ACYP2: variants seen among roughly 807,000 people sequenced by gnomAD.
The protein encoded by ACYP2 is acylphosphatase 2.
A neutral mutation model predicts 11.2 loss-of-function variants in ACYP2; 12 were observed. The ratio of observed to expected loss-of-function variants is 1.08; its 90% CI spans 0.69 to 1.74. The LOEUF (loss-of-function observed/expected upper bound fraction) is 1.74. Ranked by LOEUF, ACYP2 falls within the 40% of genes most tolerant of loss-of-function variation. The pLI is 0.00. For synonymous variants in ACYP2, 43 were observed against 32.2 expected (o/e 1.33, Z -1.13); for missense variants, 134 against 101.9 (o/e 1.31, Z -1.35).
chr2:54,047,638 G>C (rs939040293), intron 2 of ACYP2, among the ~76,000 whole-genome samples: 2 of 152,136 alleles, frequency 1.3e-5, no homozygotes, highest in African/African-American at 4.8e-5. Context: ...CCAAATGGAA[G>C]CATATTTTTC....
chr2:53,987,106 T>C (rs541811319), intron 2 of ACYP2, among the ~76,000 whole-genome samples: 1 of 152,314 alleles, frequency 6.6e-6, no homozygotes, highest in South Asian at 2.1e-4. Context: ...TCTGTATGAT[T>C]CCATTTCTGT....
intron 6 of ACYP2, among the ~76,000 whole-genome samples, chr2:54,217,717 A>G (rs546130539): frequency 2.4e-4 from 37 of 152,124 alleles, no homozygotes; most frequent in Non-Finnish European, 4.9e-4. Flanking sequence ...AATCTTTAAC[A>G]TGATAAAGTC....
chr2:54,190,707 T>C (rs1684204363), intron 6 of ACYP2, among the ~76,000 whole-genome samples: 1 of 152,104 alleles, frequency 6.6e-6, no homozygotes, highest in South Asian at 2.1e-4. Context: ...TACAGTTCCA[T>C]GGCTTTCAGT....
At chr2:54,072,901 T>C (rs952439526) in intron 4 of ACYP2, among the ~76,000 whole-genome samples, 50 of 152,090 alleles carry the variant, frequency 3.3e-4, no homozygotes, top group African/African-American at 1.2e-3. Flanking sequence ...TTTAAGCTGA[T>C]TCTAAATTCA....
At chr2:54,230,054 C>G (rs746700931) in intron 6 of ACYP2, among the ~76,000 whole-genome samples, 1 of 152,162 alleles carries the variant, frequency 6.6e-6, no homozygotes, top group African/African-American at 2.4e-5. Context: ...CAGTCTGACT[C>G]TGGCATAACA....
At chr2:54,091,798 C>T (rs994081775) in intron 4 of ACYP2, among the ~76,000 whole-genome samples, 1 of 152,138 alleles carries the variant, frequency 6.6e-6, no homozygotes, top group Non-Finnish European at 1.5e-5. Flanking sequence ...AAGCGTCAGC[C>T]ACTAACCCCA....
At chr2:54,228,614 T>TG (rs1277392435) in intron 6 of ACYP2, among the ~76,000 whole-genome samples, 1 of 151,932 alleles carries the variant, frequency 6.6e-6, no homozygotes, top group Non-Finnish European at 1.5e-5. Context: ...TTGGTGTTAA[T>TG]GGAAGTGGTG....
At chr2:54,107,381 CTTGTT>C (rs1363664901) in intron 4 of ACYP2, among the ~76,000 whole-genome samples, 2 of 152,038 alleles carry the variant, frequency 1.3e-5, no homozygotes, top group African/African-American at 4.8e-5. Flanking sequence ...CTATTCTTAG[CTTGTT>C]TTTTTTTGTT....
intron 4 of ACYP2, among the ~76,000 whole-genome samples, chr2:54,131,025 A>G (rs1044387716): frequency 5.9e-5 from 9 of 152,196 alleles, no homozygotes; most frequent in African/African-American, 2.2e-4. Flanking sequence ...GCCATATTTA[A>G]TTGCCAGTTT....
intron 6 of ACYP2, chr2:54,256,187 A>G (rs1292310412): frequency 6.4e-7 from 1 of 1,569,822 alleles, no homozygotes; most frequent in Admixed American, 1.9e-5. Flanking sequence ...GGTAGAGGCC[A>G]GGCCAGAGGT....
intron 6 of ACYP2, among the ~76,000 whole-genome samples, chr2:54,251,336 G>T (rs1030341080): frequency 6.6e-6 from 1 of 151,832 alleles, no homozygotes; most frequent in Non-Finnish European, 1.5e-5. Context: ...TTTTCTGGCA[G>T]AGAGTTTCCA....
chr2:54,139,241 G>A (rs545708348), intron 6 of ACYP2, among the ~76,000 whole-genome samples: 4 of 152,204 alleles, frequency 2.6e-5, no homozygotes, highest in East Asian at 3.8e-4. Flanking sequence ...TGACAGATGC[G>A]TAGTGCCTTA....
chr2:54,000,086 A>G (rs1177125009), intron 2 of ACYP2, among the ~76,000 whole-genome samples: 1 of 151,848 alleles, frequency 6.6e-6, no homozygotes, highest in South Asian at 2.1e-4. Flanking sequence ...TTATTTCAAT[A>G]TAATAGAAAT....
chr2:54,220,234 T>G (rs1166567052), intron 6 of ACYP2, among the ~76,000 whole-genome samples: 1 of 152,168 alleles, frequency 6.6e-6, no homozygotes, highest in Non-Finnish European at 1.5e-5. Context: ...ATATTTTAAA[T>G]ATTGTATCAG....
intron 2 of ACYP2, among the ~76,000 whole-genome samples, chr2:53,982,312 C>A (rs1671804292): frequency 6.6e-6 from 1 of 152,136 alleles, no homozygotes; most frequent in South Asian, 2.1e-4. Context: ...AAGCAGAATA[C>A]CTTTTGAAAT....
intron 2 of ACYP2, chr2:53,975,239 A>C: frequency 2.5e-6 from 1 of 398,154 alleles, no homozygotes; most frequent in East Asian, 3.6e-5. Context: ...AAAAAAAAAA[A>C]ATTCAGAGAA....
At chr2:54,164,325 G>A (rs1682858188) in intron 6 of ACYP2, among the ~76,000 whole-genome samples, 1 of 152,150 alleles carries the variant, frequency 6.6e-6, no homozygotes, top group South Asian at 2.1e-4. Flanking sequence ...TAACTGCCAG[G>A]CTTTTGAGTT....
intron 4 of ACYP2, among the ~76,000 whole-genome samples, chr2:54,101,143 C>T (rs1218112083): frequency 1.3e-5 from 2 of 152,210 alleles, no homozygotes; most frequent in Admixed American, 1.3e-4. Flanking sequence ...GAGAGAGCTG[C>T]ATTTGAACCC....
chr2:54,105,841 C>A (rs1431737406), intron 4 of ACYP2, among the ~76,000 whole-genome samples: 2 of 152,004 alleles, frequency 1.3e-5, no homozygotes, highest in East Asian at 3.8e-4. Flanking sequence ...CTACACATGG[C>A]ACATACTGGG....
Sources: allele counts gnomAD v4.1 joint callset (sites outside exome capture counted in the v4.1 genomes callset), GRCh38; gene constraint gnomAD v4.1.1; transcripts MANE v1.5; gene names NCBI Gene and HGNC (gene_info 2026-07-23, HGNC 2026-07-21).